PTPRD: variants seen among roughly 807,000 people sequenced by gnomAD.
PTPRD encodes the protein protein tyrosine phosphatase receptor type D.
A neutral mutation model predicts 214.5 loss-of-function variants in PTPRD; 34 were observed. That is an observed-to-expected ratio of 0.16 (90% CI 0.12 to 0.21). The LOEUF is 0.21. Ranked by LOEUF, PTPRD falls within the 10% of genes least tolerant of loss-of-function variation. The probability of loss-of-function intolerance (pLI) is 1.00; values close to 1 mark genes in which losing one functional copy is unlikely to be tolerated. For missense variants in PTPRD, 2,545 were observed against 2,398.7 expected, an observed-to-expected ratio of 1.06 and a Z score of -1.27; for synonymous variants, 1,128 against 845.7, an observed-to-expected ratio of 1.33 and a Z score of -5.79.
chr9:9,226,097 C>T (rs1262897756), intron 9 of PTPRD, among the ~76,000 whole-genome samples: 3 of 151,878 alleles, frequency 2.0e-5, no homozygotes, highest in African/African-American at 7.3e-5. Context: ...TTGACGTTAC[C>T]TCTACCAGAT....
In PTPRD at chr9:8,317,038, C is replaced by T. The variant is rs79554842; in HGVS notation, c.*836G>A. The T allele has an allele frequency of 2.2e-5, 5 of 231,366 alleles. No individual in the cohort carries two copies. In the Admixed American group the frequency reaches 2.3e-4, roughly 10 times the overall value. 14.3% of individuals were successfully genotyped at this position (231,366 alleles called of 1,614,324 possible). A position where few individuals can be genotyped will look rare whatever the true frequency, so the allele number is the denominator to read the frequency against. The stretch of plus-strand genomic sequence containing the variant: ...CTCCCTGTTGATTCCAAAAACAAAA[C>T]AAAATAATAATTATCTTTGATTATT... On this transcript the variant is annotated 3_prime_UTR_variant, in exon 46 of 46. Transcript: ENST00000381196.
intron 12 of PTPRD, among the ~76,000 whole-genome samples, chr9:8,685,463 T>C (rs997918419): frequency 6.6e-6 from 1 of 152,118 alleles, no homozygotes. Flanking sequence ...TCAGAAGAAC[T>C]CCTGTGGGCA....
chr9:8,342,010 T>C (rs2132536205), intron 39 of PTPRD, 32 bp from the exon 40 acceptor site: 1 of 1,551,022 alleles, frequency 6.4e-7, no homozygotes, highest in Non-Finnish European at 8.7e-7. Flanking sequence ...AAAGCCCAAA[T>C]AAACCTATCA....
chr9:9,901,896 T>C (rs1471234920), intron 5 of PTPRD, among the ~76,000 whole-genome samples: 2 of 152,188 alleles, frequency 1.3e-5, no homozygotes, highest in Non-Finnish European at 2.9e-5. Context: ...GACTAGATCT[T>C]GCGAGAACTC....
chr9:9,073,275 A>G (rs773038636), intron 10 of PTPRD, among the ~76,000 whole-genome samples: 2 of 152,222 alleles, frequency 1.3e-5, no homozygotes, highest in Non-Finnish European at 2.9e-5. Context: ...TCAGAGTCAT[A>G]AGCTTGTGGA....
chr9:9,795,632 C>A (rs1028177163), intron 5 of PTPRD, among the ~76,000 whole-genome samples: 5 of 152,028 alleles, frequency 3.3e-5, no homozygotes, highest in African/African-American at 1.2e-4. Context: ...TAACCTTTTT[C>A]TTATTTTTGA....
At chr9:9,448,267 C>A (rs998895349) in intron 8 of PTPRD, among the ~76,000 whole-genome samples, 9 of 151,982 alleles carry the variant, frequency 5.9e-5, no homozygotes, top group Admixed American at 5.2e-4. Flanking sequence ...TGTGTCCCCA[C>A]CCAAATCTCA....
chr9:9,981,642 G>A (rs2095548135), intron 4 of PTPRD, among the ~76,000 whole-genome samples: 1 of 152,066 alleles, frequency 6.6e-6, no homozygotes, highest in South Asian at 2.1e-4. Context: ...TTACAGGCGT[G>A]AGCCACTGCG....
chr9:10,378,406 T>A (rs542276854), intron 2 of PTPRD, among the ~76,000 whole-genome samples: 38 of 152,148 alleles, frequency 2.5e-4, no homozygotes, highest in African/African-American at 8.7e-4. Flanking sequence ...GTTCTGGAAG[T>A]TTTCCACAAT....
At chr9:10,377,143 G>C (rs1027903760) in intron 2 of PTPRD, among the ~76,000 whole-genome samples, 1 of 151,762 alleles carries the variant, frequency 6.6e-6, no homozygotes, top group Non-Finnish European at 1.5e-5. Context: ...ACAAATAAGT[G>C]AGAAATGTGA....
At chr9:10,143,572 G>GA (rs34091015) in intron 3 of PTPRD, among the ~76,000 whole-genome samples, 41,592 of 151,334 alleles carry the variant, frequency 0.27, 5,863 homozygotes, top group South Asian at 0.42. Flanking sequence ...TATACATAAA[G>GA]AAAAAAAATT....
At chr9:8,883,499 T>C (rs2098463160) in intron 11 of PTPRD, among the ~76,000 whole-genome samples, 1 of 152,196 alleles carries the variant, frequency 6.6e-6, no homozygotes, top group African/African-American at 2.4e-5. Context: ...AGGGCACAGA[T>C]GACAATTTCT....
intron 12 of PTPRD, among the ~76,000 whole-genome samples, chr9:8,690,783 T>C (rs2097786043): frequency 6.6e-6 from 1 of 152,146 alleles, no homozygotes; most frequent in African/African-American, 2.4e-5. Flanking sequence ...AGAAAACTCT[T>C]TTAGCAACTT....
rs151061408 is a variant in PTPRD, at chr9:9,672,641, G to T, written c.-287+61892C>A. On this transcript the variant is annotated intron_variant, in intron 7 of 45. Coordinates refer to ENST00000381196, the MANE Select transcript of PTPRD (RefSeq NM_002839.4). The stretch of plus-strand genomic sequence containing the variant: ...AGAATGAGATTTGAAGTAAATTTTT[G>T]AGCTCTATCTACTGATCCATCTATT... Among the ~76,000 whole-genome samples, 296 of 152,034 alleles carry T rather than the reference G, an allele frequency of 1.9e-3. 1 individual carries two copies. In the Middle Eastern group the frequency reaches 0.048, roughly 25 times the overall value.
At chr9:8,352,696 T>G (rs1588424962) in intron 39 of PTPRD, among the ~76,000 whole-genome samples, 1 of 152,206 alleles carries the variant, frequency 6.6e-6, no homozygotes, top group Non-Finnish European at 1.5e-5. Flanking sequence ...CACTGGAAGG[T>G]ACTTGGAGGG....
intron 6 of PTPRD, among the ~76,000 whole-genome samples, chr9:9,737,578 A>T (rs1020480562): frequency 2.0e-4 from 30 of 152,262 alleles, no homozygotes; most frequent in African/African-American, 7.0e-4. Context: ...TGTACACTTC[A>T]TATAAATGGA....
chr9:10,274,570 C>G (rs1298562919), intron 3 of PTPRD, among the ~76,000 whole-genome samples: 2 of 152,086 alleles, frequency 1.3e-5, no homozygotes, highest in Non-Finnish European at 2.9e-5. Context: ...TAAAAAGACA[C>G]CAAATGTCCT....
chr9:9,497,731 T>C (rs192425656), intron 8 of PTPRD, among the ~76,000 whole-genome samples: 5 of 152,194 alleles, frequency 3.3e-5, no homozygotes, highest in Admixed American at 3.3e-4. Flanking sequence ...CTCAAATGTG[T>C]AGCACAGTAC....
chr9:9,853,941 TAATCA>T (rs1355004100), intron 5 of PTPRD, among the ~76,000 whole-genome samples: 1 of 152,218 alleles, frequency 6.6e-6, no homozygotes, highest in Non-Finnish European at 1.5e-5. Flanking sequence ...CACTGTGTAA[TAATCA>T]AATCAAGGTA....
Sources: gnomAD v4.1 joint callset for allele counts (sites outside exome capture counted in the v4.1 genomes callset) on GRCh38, gnomAD v4.1.1 for gene constraint, MANE v1.5 for transcripts, NCBI Gene and HGNC (gene_info 2026-07-23, HGNC 2026-07-21) for gene names.